SCUBE1: variants seen among roughly 807,000 people sequenced by gnomAD.
SCUBE1 encodes the protein signal peptide, CUB domain and EGF like domain containing 1.
Under a neutral mutation model 124.4 loss-of-function variants are expected in SCUBE1, and 59 were observed. That is an observed-to-expected ratio of 0.47 (90% CI 0.38 to 0.59). The LOEUF (loss-of-function observed/expected upper bound fraction) is 0.59, where lower values mean the gene tolerates loss of function less well. Among genes scored for constraint, SCUBE1 ranks in the 20% least tolerant of loss-of-function variants. SCUBE1 has a pLI of 0.00. For missense variants in SCUBE1, 1,150 were observed against 1,371.2 expected, an observed-to-expected ratio of 0.84 and a Z score of 2.55; for synonymous variants, 545 against 550.9, an observed-to-expected ratio of 0.99 and a Z score of 0.15.
intron 4 of SCUBE1, among the ~76,000 whole-genome samples, chr22:43,272,155 C>G (rs777699552): frequency 6.6e-6 from 1 of 152,182 alleles, no homozygotes; most frequent in East Asian, 1.9e-4. Context: ...ACTGCCCCCT[C>G]TGCTTTGACC....
chr22:43,338,534 CT>C (rs889007974), intron 2 of SCUBE1, among the ~76,000 whole-genome samples: 1 of 151,054 alleles, frequency 6.6e-6, no homozygotes, highest in Admixed American at 6.6e-5. Flanking sequence ...TCTTTCTTTT[CT>C]TTTTTTTTGA....
At chr22:43,207,452 A>C in intron 21 of SCUBE1, 82 bp downstream of exon 21, 1 of 1,081,074 alleles carries the variant, frequency 9.3e-7, no homozygotes, top group Non-Finnish European at 1.4e-6. Context: ...TCCAGGGGCC[A>C]GGGCTGGGGC....
At chr22:43,316,860 T>G in intron 3 of SCUBE1, 1 of 152,340 alleles carries the variant, frequency 6.6e-6, no homozygotes, top group Non-Finnish European at 1.5e-5. Flanking sequence ...GGGGTGTAAT[T>G]ACATGCTCAC....
Position 43,219,157 on chromosome 22 carries a change from G to T in SCUBE1, c.1688-699C>A, listed in dbSNP as rs202029668. 7.2e-5 allele frequency among the ~76,000 whole-genome samples: 11 copies of T among 152,182 alleles called. No individual in the cohort carries two copies. The East Asian group carries it at 1.9e-3, about 27-fold the overall frequency. ...ATGCTGGGGGTGGGGCCTGGTGGGAGGTGTCTGGGTCATGGGGTAGGTCCC... is the reference window on the plus strand; with the variant it reads ...ATGCTGGGGGTGGGGCCTGGTGGGATGTGTCTGGGTCATGGGGTAGGTCCC... On this transcript the variant is annotated intron_variant, in intron 14 of 21. Transcript: ENST00000360835.
intron 6 of SCUBE1, among the ~76,000 whole-genome samples, chr22:43,247,395 A>G (rs1482470297): frequency 6.6e-6 from 1 of 152,224 alleles, no homozygotes; most frequent in African/African-American, 2.4e-5. Flanking sequence ...CTGGCTCAGG[A>G]TAACCAGAAA....
At chr22:43,326,976 T>C (rs1426180218) in intron 2 of SCUBE1, among the ~76,000 whole-genome samples, 3 of 152,208 alleles carry the variant, frequency 2.0e-5, no homozygotes, top group African/African-American at 7.2e-5. Flanking sequence ...TGCTTGCTTG[T>C]GTCTGTGTCC....
intron 4 of SCUBE1, among the ~76,000 whole-genome samples, chr22:43,285,286 C>T (rs1047471131): frequency 6.6e-6 from 1 of 152,178 alleles, no homozygotes; most frequent in African/African-American, 2.4e-5. Flanking sequence ...GCTGTCCCGA[C>T]GCTCCTCAGT....
At chr22:43,319,558 CAAAAA>C (rs35230785) in intron 3 of SCUBE1, among the ~76,000 whole-genome samples, 1 of 55,214 alleles carries the variant, frequency 1.8e-5, no homozygotes, top group East Asian at 5.0e-4. Flanking sequence ...GACTCCATCT[CAAAAA>C]AAAAAAAAAA....
chr22:43,214,041 GCCCCCGCCCACCCCCCA>G, intron 16 of SCUBE1, 32 bp downstream of exon 16: 1 of 484,840 alleles, frequency 2.1e-6, no homozygotes, highest in Non-Finnish European at 3.5e-6. Flanking sequence ...GACAGGAGGA[GCCCCCGCCCACCCCCCA>G]CCCCCACCTC....
chr22:43,288,225 CT>C (rs1925221633), intron 4 of SCUBE1, among the ~76,000 whole-genome samples: 1 of 152,182 alleles, frequency 6.6e-6, no homozygotes. Context: ...TCCTGGCTTC[CT>C]GAAAAATCAG....
intron 3 of SCUBE1, among the ~76,000 whole-genome samples, chr22:43,319,713 C>A (rs927420042): frequency 6.6e-6 from 1 of 152,112 alleles, no homozygotes; most frequent in Non-Finnish European, 1.5e-5. Context: ...AAAAACCAAC[C>A]CTGCCCCCAC....
chr22:43,210,173 G>A lies in SCUBE1; in HGVS notation c.2451C>T (p.Asp817=). ...AGACGCATTCAGCGTTGGCTGGGTAGTCGCCAGGGTAGTTGGGGGACTCGA... is the reference window on the plus strand; with the variant it reads ...AGACGCATTCAGCGTTGGCTGGGTAATCGCCAGGGTAGTTGGGGGACTCGA... The part of the protein sequence containing the change: ...GYIESPNYPG[D]YPANAECVWH... The change falls in exon 19 of 22, where the codon GAC becomes GAT. Residue 817 remains aspartate, a synonymous_variant. Transcript: ENST00000360835. The surrounding 1 kb of genome is among the most constrained non-coding windows in gnomAD (Gnocchi z 4.5). 6.2e-7 allele frequency: 1 copy of A among 1,606,104 alleles called. No homozygotes were observed. Among genetic ancestry groups the A allele is most frequent in the Non-Finnish European group, 8.5e-7 (1 of 1,176,278 alleles).
At chr22:43,289,887 C>G (rs1925290955) in intron 4 of SCUBE1, among the ~76,000 whole-genome samples, 1 of 146,816 alleles carries the variant, frequency 6.8e-6, no homozygotes. Context: ...CAGCGTGAGC[C>G]CCTCTCTGAG....
In SCUBE1 at chr22:43,255,687, A is replaced by C; in HGVS notation, c.727+2532T>G. 25 of 883,888 alleles carry C rather than the reference A, an allele frequency of 2.8e-5. No individual in the cohort carries two copies. Among genetic ancestry groups the C allele is most frequent in the Non-Finnish European group, 3.6e-5 (20 of 561,200 alleles). 54.8% of individuals were successfully genotyped at this position (883,888 alleles called of 1,614,324 possible). A position where few individuals can be genotyped will look rare whatever the true frequency, so the allele number is the denominator to read the frequency against. On this transcript the variant is annotated intron_variant, in intron 6 of 21. Transcript: ENST00000360835. The surrounding 1 kb of genome is among the most constrained non-coding windows in gnomAD (Gnocchi z 4.7). ...GTGGCGCACGCAAAGCCAACACAAC[A>C]CGCCGGCCAGCTCGGCATCCTCGCC...
At chr22:43,269,916 T>A (rs1489198110) in intron 4 of SCUBE1, among the ~76,000 whole-genome samples, 1 of 152,152 alleles carries the variant, frequency 6.6e-6, no homozygotes, top group Non-Finnish European at 1.5e-5. Flanking sequence ...ATGACAACAG[T>A]GCAGCCTCCC....
intron 3 of SCUBE1, among the ~76,000 whole-genome samples, chr22:43,303,985 T>C (rs1302106322): frequency 6.6e-6 from 1 of 152,238 alleles, no homozygotes; most frequent in Non-Finnish European, 1.5e-5. Context: ...CAGTCCACAG[T>C]GGGCTCCTCT....
intron 1 of SCUBE1, among the ~76,000 whole-genome samples, 195 bp downstream of exon 1, chr22:43,342,979 T>C (rs1413358783): frequency 2.2e-5 from 3 of 133,438 alleles, no homozygotes; most frequent in Admixed American, 2.2e-4. Context: ...CCCGCCGGAC[T>C]CAGGAGCCCC....
intron 2 of SCUBE1, among the ~76,000 whole-genome samples, chr22:43,324,314 C>T (rs1264380962): frequency 1.3e-5 from 2 of 152,218 alleles, no homozygotes; most frequent in Non-Finnish European, 2.9e-5. Flanking sequence ...ACGTAGGCCA[C>T]AGTAATTGCC....
At chr22:43,232,055 G>T in intron 7 of SCUBE1, 180 bp from the exon 8 acceptor site, 1 of 642,684 alleles carries the variant, frequency 1.6e-6, no homozygotes, top group Non-Finnish European at 2.7e-6. Context: ...TCTCGCAGGG[G>T]TCAGGGTCGG....
Sources: gnomAD v4.1 joint callset for allele counts (sites outside exome capture counted in the v4.1 genomes callset) on GRCh38, gnomAD v4.1.1 for gene constraint, Gnocchi (gnomAD v3.1) non-coding constraint, MANE v1.5 for transcripts, NCBI Gene and HGNC (gene_info 2026-07-23, HGNC 2026-07-21) for gene names.